Variants in LOXHD1 observed in about 807,000 individuals in gnomAD.
LOXHD1 encodes lipoxygenase homology domain-containing protein 1.
A neutral mutation model predicts 248.2 loss-of-function variants in LOXHD1; 205 were observed. That is an observed-to-expected ratio of 0.83 (90% CI 0.74 to 0.93). The LOEUF is 0.93. Ranked by LOEUF, LOXHD1 falls within the 40% of genes least tolerant of loss-of-function variation. The pLI, the probability that LOXHD1 is intolerant of heterozygous loss-of-function variation, is 0.00. For synonymous variants in LOXHD1, 1,113 were observed against 1,162.8 expected, an observed-to-expected ratio of 0.96 and a Z score of 0.87; for missense variants, 2,930 against 2,971.6, an observed-to-expected ratio of 0.99 and a Z score of 0.33.
rs749554659 is a variant in LOXHD1, at chr18:46,566,462, C to T, written c.2245-13G>A. 31 of 1,545,986 alleles carry T rather than the reference C, an allele frequency of 2.0e-5. No homozygotes were observed. Among genetic ancestry groups the T allele is most frequent in the East Asian group, 2.0e-4 (8 of 40,890 alleles). On this transcript the variant is annotated splice_polypyrimidine_tract_variant and intron_variant, in intron 16 of 40. Coordinates refer to ENST00000642948, the MANE Select transcript of LOXHD1 (RefSeq NM_001384474.1). ...CCAGCCGGTTGATCTGAAGGAAACC[C>T]GAGTGAGGGTGAGCAAGGAGCCAGT...
chr18:46,501,259 G>A (rs2034211747), intron 37 of LOXHD1, among the ~76,000 whole-genome samples: 1 of 152,204 alleles, frequency 6.6e-6, no homozygotes, highest in African/African-American at 2.4e-5. Flanking sequence ...GTTGCCAAAT[G>A]CCATGCACGT....
At chr18:46,527,909 C>T (rs2035895094) in intron 29 of LOXHD1, among the ~76,000 whole-genome samples, 1 of 152,194 alleles carries the variant, frequency 6.6e-6, no homozygotes, top group African/African-American at 2.4e-5. Flanking sequence ...TGGTTTCTAT[C>T]TGGTTGGTGA....
At chr18:46,486,457 C>A (rs774100470) in intron 38 of LOXHD1, among the ~76,000 whole-genome samples, 1 of 152,166 alleles carries the variant, frequency 6.6e-6, no homozygotes, top group Non-Finnish European at 1.5e-5. Context: ...GGCAAAGAGA[C>A]AGGCAGCCTC....
At chr18:46,546,411 T>G (rs2036834435) in intron 22 of LOXHD1, among the ~76,000 whole-genome samples, 1 of 151,822 alleles carries the variant, frequency 6.6e-6, no homozygotes, top group Non-Finnish European at 1.5e-5. Flanking sequence ...TCCATTCTAC[T>G]CCACTCCACT....
chr18:46,584,710 A>T (rs550710711), intron 12 of LOXHD1, among the ~76,000 whole-genome samples: 2 of 152,200 alleles, frequency 1.3e-5, no homozygotes, highest in South Asian at 4.1e-4. Context: ...ACATTTCCCA[A>T]CTCATTTTCT....
chr18:46,487,225 C>G (rs1282806604), intron 38 of LOXHD1, among the ~76,000 whole-genome samples: 1 of 152,114 alleles, frequency 6.6e-6, no homozygotes, highest in Non-Finnish European at 1.5e-5. Flanking sequence ...AGGCATGGGT[C>G]GTAGTTTGAA....
In LOXHD1 at chr18:46,546,915, T is replaced by C. The variant is rs2143821862; in HGVS notation, c.3494A>G (p.Asn1165Ser). ...RGGGDNNPLD[N>S]LALEQKDKST... ...AAAACCTTTCTGCTCCAGGGCCAGGTTGTCGAGGGGGTTGTTGTCACCGCC... is the reference window on the plus strand; with the variant it reads ...AAAACCTTTCTGCTCCAGGGCCAGGCTGTCGAGGGGGTTGTTGTCACCGCC... The change falls in exon 22 of 41, where the codon AAC (asparagine) becomes AGC (serine). Residue 1165 changes from asparagine (N) to serine (S), a missense_variant. By Grantham distance (46) the Asn-to-Ser change is conservative (BLOSUM62 1). Coordinates refer to ENST00000642948, the MANE Select transcript of LOXHD1 (RefSeq NM_001384474.1). 1.9e-6 allele frequency: 3 copies of C among 1,550,928 alleles called. No individual in the cohort carries two copies. Among genetic ancestry groups the C allele is most frequent in the South Asian group, 1.2e-5 (1 of 84,048 alleles).
At chr18:46,521,493 T>TA (rs1223626700) in intron 32 of LOXHD1, among the ~76,000 whole-genome samples, 1 of 152,122 alleles carries the variant, frequency 6.6e-6, no homozygotes, top group Admixed American at 6.5e-5. Context: ...GGCGAGCCCT[T>TA]AAAAAAGCAT....
intron 5 of LOXHD1, among the ~76,000 whole-genome samples, chr18:46,611,469 G>T (rs1451372571): frequency 6.6e-6 from 1 of 152,192 alleles, no homozygotes; most frequent in Non-Finnish European, 1.5e-5. Flanking sequence ...GAGACTTAGA[G>T]AAGTTAAACA....
intron 37 of LOXHD1, among the ~76,000 whole-genome samples, chr18:46,505,305 C>T (rs943981914): frequency 6.6e-6 from 1 of 152,052 alleles, no homozygotes; most frequent in Non-Finnish European, 1.5e-5. Context: ...TCTCAGCCTC[C>T]AAGTAGATGG....
intron 25 of LOXHD1, 74 bp downstream of exon 25, chr18:46,541,702 G>T: frequency 6.7e-7 from 1 of 1,499,002 alleles, no homozygotes; most frequent in South Asian, 1.2e-5. Context: ...CCTGAAGGAA[G>T]AACTGGGGCT....
rs181542914 is a variant in LOXHD1, at chr18:46,635,007, G to T, written c.511+4609C>A. Among the ~76,000 whole-genome samples the T allele has an allele frequency of 4.7e-3, 720 of 152,064 alleles. 3 individuals carry two copies. The highest frequency in any genetic ancestry group is 0.014 in the Middle Eastern group (4 of 294). On this transcript the variant is annotated intron_variant, in intron 4 of 40. Coordinates refer to ENST00000642948, the MANE Select transcript of LOXHD1 (RefSeq NM_001384474.1). ...GAAGCAGGATAACAGAGTCAGGGAG[G>T]CCCCTTCCTCTGTGCTAATGGTCCC...
chr18:46,544,872 T>G, intron 23 of LOXHD1: 2 of 472,286 alleles, frequency 4.2e-6, no homozygotes, highest in Non-Finnish European at 8.8e-6. Context: ...ATATGATGAC[T>G]ACTTGAGGGA....
chr18:46,548,333 G>A (rs1568170921), intron 21 of LOXHD1, among the ~76,000 whole-genome samples: 1 of 151,412 alleles, frequency 6.6e-6, no homozygotes, highest in Non-Finnish European at 1.5e-5. Context: ...GCAGGCCAAA[G>A]GTCCCATCCC....
At chr18:46,528,083 A>T (rs1426691681) in intron 29 of LOXHD1, among the ~76,000 whole-genome samples, 1 of 152,154 alleles carries the variant, frequency 6.6e-6, no homozygotes, top group African/African-American at 2.4e-5. Context: ...TCACTAGTAG[A>T]GTGGTTCAAT....
At position 46,545,303 on chromosome 18, in the gene LOXHD1, C is replaced by A; in HGVS notation, c.3619+14G>T. 6.5e-7 allele frequency: 1 copy of A among 1,536,304 alleles called. No individual in the cohort carries two copies. ...AGAATGTGGGTGAATCTTGGCCCTG[C>A]ACTGCTTTCTTACCAGTGTCATCCT... On this transcript the variant is annotated intron_variant, in intron 23 of 40. Coordinates refer to ENST00000642948, the MANE Select transcript of LOXHD1 (RefSeq NM_001384474.1).
rs779091317 is a variant in LOXHD1, at chr18:46,529,284, C to A, written c.4423G>T (p.Gly1475Trp). The change falls in exon 29 of 41, where the codon GGG (glycine) becomes TGG (tryptophan). Residue 1475 changes from glycine to tryptophan, a missense_variant. Physicochemically the swap from Gly to Trp is radical, Grantham distance 184. Coordinates refer to ENST00000642948, the MANE Select transcript of LOXHD1 (RefSeq NM_001384474.1). Reference sequence around the variant, plus strand: ...GTGATGTACACCTTGGCATCCGTCCCTGCCCCAGGAATGTTCCCTGTGAAG... The same window carrying A: ...GTGATGTACACCTTGGCATCCGTCCATGCCCCAGGAATGTTCCCTGTGAAG... The part of the protein sequence containing the change: ...QIFTGNIPGA[G>W]TDAKVYITIY... 6.4e-7 allele frequency: 1 copy of A among 1,551,724 alleles called. No homozygotes were observed. Among genetic ancestry groups the A allele is most frequent in the Non-Finnish European group, 8.7e-7 (1 of 1,146,976 alleles).
chr18:46,643,985 T>C (rs553107380), intron 2 of LOXHD1, among the ~76,000 whole-genome samples: 1 of 152,340 alleles, frequency 6.6e-6, no homozygotes, highest in African/African-American at 2.4e-5. Flanking sequence ...GTGAGAAGAT[T>C]TACTTTTAAA....
chr18:46,547,156 C>G, intron 21 of LOXHD1, 98 bp from the exon 22 acceptor site: 2 of 1,362,234 alleles, frequency 1.5e-6, no homozygotes, highest in Non-Finnish European at 2.0e-6. Flanking sequence ...TATGGGGTCC[C>G]AAACTCTCCC....
Sources: allele counts gnomAD v4.1 joint callset (sites outside exome capture counted in the v4.1 genomes callset), GRCh38; gene constraint gnomAD v4.1.1; transcripts MANE v1.5; gene names NCBI Gene and HGNC (gene_info 2026-07-23, HGNC 2026-07-21).